HIBADH: variants seen among roughly 807,000 people sequenced by gnomAD.
The protein encoded by HIBADH is 3-hydroxyisobutyrate dehydrogenase, mitochondrial.
A neutral mutation model predicts 36.1 loss-of-function variants in HIBADH; 25 were observed. That is an observed-to-expected ratio of 0.69 (90% CI 0.50 to 0.97). The LOEUF (loss-of-function observed/expected upper bound fraction) is 0.97, where lower values mean the gene tolerates loss of function less well. HIBADH is among the 50% of genes least tolerant of loss of function. The probability of loss-of-function intolerance (pLI) is 0.00; values close to 1 mark genes in which losing one functional copy is unlikely to be tolerated. For synonymous variants in HIBADH, 160 were observed against 149.5 expected, an observed-to-expected ratio of 1.07 and a Z score of -0.51; for missense variants, 421 against 418.0, an observed-to-expected ratio of 1.01 and a Z score of -0.06.
intron 4 of HIBADH, among the ~76,000 whole-genome samples, chr7:27,587,535 T>G (rs1784882876): frequency 6.6e-6 from 1 of 152,178 alleles, no homozygotes; most frequent in Non-Finnish European, 1.5e-5. Context: ...AGAAATTTCA[T>G]TAGGTAAAGT....
At chr7:27,610,395 G>A (rs1785303057) in intron 4 of HIBADH, among the ~76,000 whole-genome samples, 2 of 152,214 alleles carry the variant, frequency 1.3e-5, no homozygotes, top group Admixed American at 1.3e-4. Flanking sequence ...GGTGGTGGTT[G>A]CTTTGTGGTA....
chr7:27,660,683 C>A, intron 1 of HIBADH, among the ~76,000 whole-genome samples: 1 of 151,290 alleles, frequency 6.6e-6, no homozygotes, highest in African/African-American at 2.4e-5. Context: ...AAATTTTTTT[C>A]AAGAGAAAAA....
chr7:27,542,835 A>T, intron 5 of HIBADH, 132 bp downstream of exon 5: 9 of 1,041,322 alleles, frequency 8.6e-6, no homozygotes, highest in Non-Finnish European at 1.2e-5. Context: ...TTTATTCCAA[A>T]TAAATGTTTT....
chr7:27,596,412 G>A (rs1785034411), intron 4 of HIBADH, among the ~76,000 whole-genome samples: 1 of 152,280 alleles, frequency 6.6e-6, no homozygotes, highest in African/African-American at 2.4e-5. Context: ...AATTCTGGGG[G>A]ATACATTCGG....
chr7:27,540,507 C>T (rs1307458189), intron 5 of HIBADH, among the ~76,000 whole-genome samples: 1 of 152,208 alleles, frequency 6.6e-6, no homozygotes, highest in East Asian at 1.9e-4. Context: ...CCTGTGAAGT[C>T]TTGCACAACA....
At chr7:27,536,383 T>G (rs1402768214) in intron 6 of HIBADH, among the ~76,000 whole-genome samples, 4 of 152,106 alleles carry the variant, frequency 2.6e-5, no homozygotes, top group Non-Finnish European at 5.9e-5. Context: ...GTTCAGACTT[T>G]TAGAATATAT....
At chr7:27,561,444 T>C (rs988435116) in intron 4 of HIBADH, among the ~76,000 whole-genome samples, 21 of 152,312 alleles carry the variant, frequency 1.4e-4, no homozygotes, top group South Asian at 4.1e-4. Flanking sequence ...GTATTTTTAC[T>C]ACTAATTACA....
At chr7:27,583,467 A>G (rs1250620024) in intron 4 of HIBADH, among the ~76,000 whole-genome samples, 2 of 152,050 alleles carry the variant, frequency 1.3e-5, no homozygotes, top group Non-Finnish European at 2.9e-5. Context: ...CTTCCTTTTC[A>G]AGAAAAAGCT....
At chr7:27,575,848 G>A (rs1784700945) in intron 4 of HIBADH, among the ~76,000 whole-genome samples, 1 of 152,200 alleles carries the variant, frequency 6.6e-6, no homozygotes, top group Non-Finnish European at 1.5e-5. Context: ...TGGATTCTGG[G>A]CTGGACAGCC....
chr7:27,534,311 G>GT (rs138918429), intron 6 of HIBADH, among the ~76,000 whole-genome samples: 16,032 of 152,200 alleles, frequency 0.11, 1,018 homozygotes, highest in Non-Finnish European at 0.14. Flanking sequence ...TGGGATGTTT[G>GT]TATCACAGGA....
At chr7:27,534,823 A>T (rs917951014) in intron 6 of HIBADH, among the ~76,000 whole-genome samples, 5 of 151,804 alleles carry the variant, frequency 3.3e-5, no homozygotes, top group South Asian at 2.1e-4. Flanking sequence ...ATTACCACAT[A>T]TCGACACCTA....
chr7:27,557,164 A>AT (rs1352557816), intron 4 of HIBADH, among the ~76,000 whole-genome samples: 1 of 150,670 alleles, frequency 6.6e-6, no homozygotes, highest in African/African-American at 2.4e-5. Flanking sequence ...AAAAATTGGC[A>AT]TTTTTTATTT....
chr7:27,550,204 C>A (rs1784299453), intron 4 of HIBADH, among the ~76,000 whole-genome samples: 1 of 152,094 alleles, frequency 6.6e-6, no homozygotes, highest in African/African-American at 2.4e-5. Flanking sequence ...TCACCACGCC[C>A]AGCCAGCATT....
chr7:27,652,902 G>C (rs1269345806), intron 1 of HIBADH, among the ~76,000 whole-genome samples: 1 of 152,160 alleles, frequency 6.6e-6, no homozygotes, highest in Non-Finnish European at 1.5e-5. Context: ...GCCAAAGTGG[G>C]TGGATCACCT....
At chr7:27,549,211 G>A (rs1357036810) in intron 4 of HIBADH, among the ~76,000 whole-genome samples, 1 of 152,124 alleles carries the variant, frequency 6.6e-6, no homozygotes, top group African/African-American at 2.4e-5. Context: ...TGTACAACAT[G>A]GTGATTATAG....
At chr7:27,557,030 C>T (rs1784399524) in intron 4 of HIBADH, among the ~76,000 whole-genome samples, 1 of 151,910 alleles carries the variant, frequency 6.6e-6, no homozygotes, top group Non-Finnish European at 1.5e-5. Flanking sequence ...GTCCTAGCTA[C>T]TCAGGAGGCT....
At chr7:27,588,939 T>C (rs1167150530) in intron 4 of HIBADH, among the ~76,000 whole-genome samples, 1 of 152,194 alleles carries the variant, frequency 6.6e-6, no homozygotes, top group African/African-American at 2.4e-5. Context: ...TCTCTTATGT[T>C]TTGAGAGACC....
At chr7:27,644,045 T>C (rs540810009) in intron 2 of HIBADH, among the ~76,000 whole-genome samples, 4 of 152,368 alleles carry the variant, frequency 2.6e-5, no homozygotes, top group African/African-American at 7.2e-5. Context: ...CTTGAATATA[T>C]CTTTTTTAAT....
At chr7:27,627,044 G>C (rs1310643628) in intron 4 of HIBADH, among the ~76,000 whole-genome samples, 1 of 152,096 alleles carries the variant, frequency 6.6e-6, no homozygotes, top group Non-Finnish European at 1.5e-5. Flanking sequence ...CAGGCTTTAG[G>C]CAGAATTATA....
Sources: gnomAD v4.1 joint callset for allele counts (sites outside exome capture counted in the v4.1 genomes callset) on GRCh38, gnomAD v4.1.1 for gene constraint, MANE v1.5 for transcripts, NCBI Gene and HGNC (gene_info 2026-07-23, HGNC 2026-07-21) for gene names.